PPP4R1: variants seen among roughly 807,000 people sequenced by gnomAD.
PPP4R1 encodes the protein serine/threonine-protein phosphatase 4 regulatory subunit 1.
A neutral mutation model predicts 111.2 loss-of-function variants in PPP4R1; 42 were observed. That is an observed-to-expected ratio of 0.38 (90% CI 0.29 to 0.49). The LOEUF (loss-of-function observed/expected upper bound fraction) is 0.49, where lower values mean the gene tolerates loss of function less well. PPP4R1 is among the 20% of genes least tolerant of loss of function. The probability of loss-of-function intolerance (pLI) is 0.97; values close to 1 mark genes in which losing one functional copy is unlikely to be tolerated. For synonymous variants in PPP4R1, 409 were observed against 405.5 expected (o/e 1.01, Z -0.10); for missense variants, 1,012 against 1,161.6 (o/e 0.87, Z 1.87).
intron 11 of PPP4R1, 31 bp from the exon 12 acceptor site, chr18:9,563,581 G>A: frequency 6.6e-7 from 1 of 1,510,606 alleles, no homozygotes; most frequent in East Asian, 2.3e-5. Flanking sequence ...TGGACAAAGT[G>A]AGAAACACAA....
intron 15 of PPP4R1, among the ~76,000 whole-genome samples, chr18:9,556,674 A>G (rs965658018): frequency 6.6e-6 from 1 of 152,246 alleles, no homozygotes; most frequent in Non-Finnish European, 1.5e-5. Flanking sequence ...AGTGAGGGCT[A>G]AACGTAAATT....
chr18:9,600,086 C>G (rs2067355175), intron 2 of PPP4R1, among the ~76,000 whole-genome samples: 1 of 151,384 alleles, frequency 6.6e-6, no homozygotes, highest in East Asian at 1.9e-4. Flanking sequence ...AAATCATATT[C>G]TGCTTCAAAT....
chr18:9,557,142 C>A (rs2066600406), intron 15 of PPP4R1, 79 bp downstream of exon 15: 1 of 1,352,034 alleles, frequency 7.4e-7, no homozygotes, highest in Non-Finnish European at 1.0e-6. Context: ...AGAAACCTCT[C>A]TTGGTGATAG....
intron 2 of PPP4R1, among the ~76,000 whole-genome samples, chr18:9,612,992 C>T (rs1343393916): frequency 1.3e-5 from 2 of 152,192 alleles, no homozygotes; most frequent in Non-Finnish European, 1.5e-5. Context: ...ATTAAGTTTA[C>T]TCTGAGTAAG....
chr18:9,581,631 A>AG (rs752235318), intron 9 of PPP4R1, among the ~76,000 whole-genome samples: 16 of 152,202 alleles, frequency 1.1e-4, no homozygotes, highest in Non-Finnish European at 1.8e-4. Context: ...TATTAGAGGG[A>AG]GAGAAGAGAG....
chr18:9,612,397 T>G (rs1047811491), intron 2 of PPP4R1: 1 of 152,214 alleles, frequency 6.6e-6, no homozygotes, highest in Non-Finnish European at 1.5e-5. Flanking sequence ...TCAAAACTGC[T>G]TGTAAACCAC....
At chr18:9,598,138 G>GA (rs538985037) in intron 2 of PPP4R1, among the ~76,000 whole-genome samples, 123 of 152,138 alleles carry the variant, frequency 8.1e-4, no homozygotes, top group African/African-American at 2.7e-3. Context: ...AAATGAAACA[G>GA]AAAAAATATG....
At chr18:9,554,026 G>T (rs928250470) in intron 15 of PPP4R1, among the ~76,000 whole-genome samples, 1 of 152,224 alleles carries the variant, frequency 6.6e-6, no homozygotes, top group Non-Finnish European at 1.5e-5. Flanking sequence ...AATGTGCTAG[G>T]AAGTCCTGAA....
chr18:9,603,325 C>T (rs2067423553), intron 2 of PPP4R1, among the ~76,000 whole-genome samples: 1 of 151,866 alleles, frequency 6.6e-6, no homozygotes, highest in Admixed American at 6.6e-5. Flanking sequence ...TTATATTTAT[C>T]CATGAATACA....
In PPP4R1 at chr18:9,549,825, G is replaced by A. The variant is rs186913208; in HGVS notation, c.2547+227C>T. The A allele has an allele frequency of 2.7e-3, 1,677 of 615,456 alleles. 6 individuals are homozygous for A. The highest frequency in any genetic ancestry group is 3.5e-3 in the Non-Finnish European group (1,227 of 355,218). 38.1% of individuals were successfully genotyped at this position (615,456 alleles called of 1,614,324 possible). A position where few individuals can be genotyped will look rare whatever the true frequency, so the allele number is the denominator to read the frequency against. ...TGGAACAAGCACATACAGCAGGCAC[G>A]TGGGGTGTGTGTGGTGCATGCCAGT... On this transcript the variant is annotated intron_variant, in intron 18 of 19. Transcript: ENST00000400556.
At chr18:9,548,735 G>C (rs530583313) in intron 19 of PPP4R1, among the ~76,000 whole-genome samples, 1 of 152,220 alleles carries the variant, frequency 6.6e-6, no homozygotes, top group Non-Finnish European at 1.5e-5. Flanking sequence ...TGGCCAACAT[G>C]GTGAAACCCC....
chr18:9,584,953 C>T, intron 6 of PPP4R1, 125 bp from the exon 7 acceptor site: 1 of 696,352 alleles, frequency 1.4e-6, no homozygotes, highest in Non-Finnish European at 2.3e-6. Flanking sequence ...ATACTATATA[C>T]ATGACAGAAA....
intron 14 of PPP4R1, among the ~76,000 whole-genome samples, chr18:9,559,137 A>G (rs1295996462): frequency 6.6e-6 from 1 of 152,256 alleles, no homozygotes; most frequent in African/African-American, 2.4e-5. Flanking sequence ...ATTAATTTAC[A>G]TATAAACTCT....
Position 9,588,288 on chromosome 18 carries a change from C to A in PPP4R1, c.439-53G>T, listed in dbSNP as rs149992471. 31 of 1,541,566 alleles carry A rather than the reference C, an allele frequency of 2.0e-5. No individual in the cohort carries two copies. In the African/African-American group the frequency reaches 3.5e-4, roughly 17 times the overall value. ...AGTACATATGCAACATGACAAAATT[C>A]TATCACTTGATTTTTATAAACAAAG... On this transcript the variant is annotated intron_variant, in intron 5 of 19. Coordinates refer to ENST00000400556, the MANE Select transcript of PPP4R1 (RefSeq NM_001042388.3).
At chr18:9,553,447 T>A (rs1265494046) in intron 15 of PPP4R1, 25 bp from the exon 16 acceptor site, 1 of 1,452,854 alleles carries the variant, frequency 6.9e-7, no homozygotes, top group Non-Finnish European at 9.6e-7. Context: ...TAAAAATATT[T>A]ACCAGGACAA....
chr18:9,548,270 A>C, intron 19 of PPP4R1, among the ~76,000 whole-genome samples: 1 of 151,802 alleles, frequency 6.6e-6, no homozygotes, highest in African/African-American at 2.4e-5. Context: ...AAATGCTTCC[A>C]AACACCAACT....
At chr18:9,603,470 T>G (rs916739983) in intron 2 of PPP4R1, among the ~76,000 whole-genome samples, 3 of 152,178 alleles carry the variant, frequency 2.0e-5, no homozygotes, top group Non-Finnish European at 4.4e-5. Flanking sequence ...TCAATAAAAC[T>G]TTAAGTTTTA....
At chr18:9,615,281 A>T (rs1346131774), upstream of PPP4R1, 1 of 152,204 alleles carries the variant, frequency 6.6e-6, no homozygotes, top group Admixed American at 6.5e-5. Context: ...CGGGCAATCC[A>T]CCAGCGGGAG....
At chr18:9,598,950 T>C (rs2067335118) in intron 2 of PPP4R1, among the ~76,000 whole-genome samples, 1 of 151,736 alleles carries the variant, frequency 6.6e-6, no homozygotes, top group South Asian at 2.1e-4. Flanking sequence ...TGCTTGAACC[T>C]GGGAGGTCAA....
Sources: allele counts gnomAD v4.1 joint callset (sites outside exome capture counted in the v4.1 genomes callset), GRCh38; gene constraint gnomAD v4.1.1; transcripts MANE v1.5; gene names NCBI Gene and HGNC (gene_info 2026-07-23, HGNC 2026-07-21).